Variants in GLOD4 observed in about 807,000 individuals in gnomAD.
The protein encoded by GLOD4 is glyoxalase domain containing 4, also known as glyoxalase domain-containing protein 4.
Under a neutral mutation model 39.1 loss-of-function variants are expected in GLOD4, and 44 were observed. The ratio of observed to expected loss-of-function variants is 1.13; its 90% CI spans 0.88 to 1.45. The LOEUF (loss-of-function observed/expected upper bound fraction) is 1.45. Among genes scored for constraint, GLOD4 ranks in the 40% most tolerant of loss-of-function variants. The pLI is 0.00. For synonymous variants in GLOD4, 145 were observed against 135.0 expected, an observed-to-expected ratio of 1.07 and a Z score of -0.52; for missense variants, 405 against 366.4, an observed-to-expected ratio of 1.11 and a Z score of -0.86.
rs570251719 is a variant in GLOD4 at position 760,730 on chromosome 17, C to T, written c.832-492G>A. ...ATGAAGCCTGGAATGATTCCTTTTT[C>T]GTAAGTCTCCTCCCGGCCTACTCTT... On this transcript the variant is annotated intron_variant, in intron 8 of 8. Transcript: ENST00000301329. Among the ~76,000 whole-genome samples the T allele has an allele frequency of 4.6e-5, 7 of 152,234 alleles. No individual in the cohort carries two copies. In the East Asian group the frequency reaches 1.4e-3, roughly 29 times the overall value.
At position 770,033 on chromosome 17, in the gene GLOD4, G is replaced by C; in HGVS notation, c.744+11C>G. The C allele has an allele frequency of 6.3e-7, 1 of 1,586,636 alleles. No homozygotes were observed. Among genetic ancestry groups the C allele is most frequent in the Non-Finnish European group, 8.7e-7 (1 of 1,154,930 alleles). On this transcript the variant is annotated intron_variant, in intron 7 of 8. Coordinates refer to ENST00000301329, the MANE Select transcript of GLOD4 (RefSeq NM_016080.4). ...CTGGTCCAGCCTGCCCCCTGCCTGA[G>C]AAATACTTACAGGGTCGGCCAGAAT...
upstream of GLOD4, chr17:782,638 G>C: frequency 6.2e-7 from 1 of 1,613,692 alleles, no homozygotes; most frequent in Non-Finnish European, 8.5e-7. Context: ...CCCAGCACCT[G>C]GGAAGAGTCT....
chr17:772,492 T>C (rs1354714936), intron 4 of GLOD4, among the ~76,000 whole-genome samples: 3 of 152,030 alleles, frequency 2.0e-5, no homozygotes, highest in Non-Finnish European at 4.4e-5. Flanking sequence ...GGAAAACTCC[T>C]AGACAACAAC....
In GLOD4 at chr17:775,859, T is replaced by C; in HGVS notation, c.322A>G (p.Thr108Ala). The change falls in exon 4 of 9, where the codon ACG becomes GCG. Residue 108 changes from threonine to alanine, a missense_variant. Coordinates refer to ENST00000301329, the MANE Select transcript of GLOD4 (RefSeq NM_016080.4). ...TCAAAAACACCTTCTGCAACTTCCG[T>C]CAGTGGCCACTCCAGCTTCCTGGCG... ...SNARKLEWPL[T>A]EVAEGVFETE... 1 of 1,613,450 alleles carries C rather than the reference T, an allele frequency of 6.2e-7. No homozygotes were observed. The highest frequency in any genetic ancestry group is 1.1e-5 in the South Asian group (1 of 91,048).
In GLOD4 at chr17:769,803, TCC is replaced by T. The variant is rs373166347; in HGVS notation, c.831+64_831+65del. ...ACCTGGACCCTGTTGCTTAGTCTCC[TCC>T]CACACACACTTAATGCCATCCCTCT... On this transcript the variant is annotated intron_variant, in intron 8 of 8. Transcript: ENST00000301329. The T allele has an allele frequency of 2.3e-4, 220 of 966,092 alleles. 2 individuals carry two copies. In the African/African-American group the frequency reaches 3.3e-3, roughly 14 times the overall value. The allele number at this position is 966,092 out of a possible 1,614,324, so 59.8% of individuals were successfully genotyped here.
At chr17:773,355 A>G (rs1169400140) in intron 4 of GLOD4, among the ~76,000 whole-genome samples, 1 of 152,220 alleles carries the variant, frequency 6.6e-6, no homozygotes, top group African/African-American at 2.4e-5. Context: ...CCAACAATAG[A>G]GAATTGTTTC....
At chr17:782,112 C>A in intron 1 of GLOD4, 54 bp downstream of exon 1, 1 of 1,389,022 alleles carries the variant, frequency 7.2e-7, no homozygotes, top group Non-Finnish European at 9.9e-7. Context: ...CCAGGGCCGG[C>A]TCGGGCGCCG....
intron 4 of GLOD4, among the ~76,000 whole-genome samples, chr17:771,677 A>T (rs1303338457): frequency 6.6e-6 from 1 of 152,152 alleles, no homozygotes; most frequent in African/African-American, 2.4e-5. Flanking sequence ...AGACCAATGC[A>T]GGTAAAACAC....
In GLOD4 at chr17:777,025, A is replaced by G; in HGVS notation, c.141-37T>C. 3.1e-6 allele frequency: 5 copies of G among 1,607,102 alleles called. No individual in the cohort carries two copies. The South Asian group carries it at 3.3e-5, about 11-fold the overall frequency. ...AAGTAAATGAACTCAGTGACTACAG[A>G]CAAGTCAGCCTCAGGCCACCCCCAG... On this transcript the variant is annotated intron_variant, in intron 2 of 8. Coordinates refer to ENST00000301329, the MANE Select transcript of GLOD4 (RefSeq NM_016080.4).
At chr17:780,911 T>C (rs1490216320) in intron 1 of GLOD4, among the ~76,000 whole-genome samples, 1 of 150,566 alleles carries the variant, frequency 6.6e-6, no homozygotes, top group Non-Finnish European at 1.5e-5. Flanking sequence ...TAATAAGGTG[T>C]TGAATCTTTT....
chr17:775,727 C>T, intron 4 of GLOD4, 48 bp downstream of exon 4: 1 of 1,531,600 alleles, frequency 6.5e-7, no homozygotes, highest in Non-Finnish European at 9.0e-7. Flanking sequence ...TCTCCTTTCA[C>T]CAAAGATGCC....
chr17:782,631 A>G (rs1301498939), upstream of GLOD4: 39 of 1,613,682 alleles, frequency 2.4e-5, no homozygotes, highest in Non-Finnish European at 3.1e-5. Context: ...CCGCGCTCCC[A>G]GCACCTGGGA....
intron 1 of GLOD4, among the ~76,000 whole-genome samples, chr17:779,091 G>A (rs1480816203): frequency 6.6e-6 from 1 of 152,054 alleles, no homozygotes; most frequent in Non-Finnish European, 1.5e-5. Context: ...AAGGTGGGTG[G>A]ACTGCCTGAG....
At chr17:778,923 T>C in intron 1 of GLOD4, 179 bp from the exon 2 acceptor site, 1 of 586,250 alleles carries the variant, frequency 1.7e-6, no homozygotes, top group Non-Finnish European at 3.0e-6. Context: ...ACGAACAGCT[T>C]GACACCAAGG....
chr17:782,046 A>G lies in GLOD4; in HGVS notation c.90+120T>C, dbSNP rs1023570247. 1.9e-5 allele frequency: 13 copies of G among 678,878 alleles called. No individual in the cohort carries two copies. The African/African-American group carries it at 2.3e-4, about 12-fold the overall frequency. The allele number at this position is 678,878 out of a possible 1,614,324, so 42.1% of individuals were successfully genotyped here. A position where few individuals can be genotyped will look rare whatever the true frequency, so the allele number is the denominator to read the frequency against. ...TGAAGCTGAACACCGCGCAGGGCCT[A>G]AGGTCGGACACCCTCCGGCTTAGGT... On this transcript the variant is annotated intron_variant, in intron 1 of 8. Transcript: ENST00000301329.
At chr17:784,068 T>A (rs989511777), upstream of GLOD4, among the ~76,000 whole-genome samples, 2 of 152,246 alleles carry the variant, frequency 1.3e-5, no homozygotes, top group African/African-American at 2.4e-5. Flanking sequence ...GAGAACCTTG[T>A]CTTCTAGTCT....
At chr17:782,605 T>A, upstream of GLOD4, 1 of 1,613,954 alleles carries the variant, frequency 6.2e-7, no homozygotes, top group East Asian at 2.2e-5. Flanking sequence ...AAACAACCGC[T>A]CGAGGAGTCC....
At chr17:771,121 C>G (rs1907878680) in intron 5 of GLOD4, 3 of 404,866 alleles carry the variant, frequency 7.4e-6, no homozygotes, top group Admixed American at 9.0e-5. Context: ...GAGATATATC[C>G]CCAAATATAA....
chr17:773,441 C>T (rs768994826), intron 4 of GLOD4, among the ~76,000 whole-genome samples: 19 of 152,188 alleles, frequency 1.2e-4, no homozygotes, highest in East Asian at 1.9e-4. Flanking sequence ...ATTATATATA[C>T]GTATTTTTGA....
Sources: allele counts gnomAD v4.1 joint callset (sites outside exome capture counted in the v4.1 genomes callset), GRCh38; gene constraint gnomAD v4.1.1; transcripts MANE v1.5; gene names NCBI Gene and HGNC (gene_info 2026-07-23, HGNC 2026-07-21).